The following PCGF6 variants were observed in gnomAD, a reference collection of about 807,000 sequenced individuals.
The protein encoded by PCGF6 is polycomb group ring finger 6.
PCGF6 carries 24 observed loss-of-function variants against 45.5 expected under a neutral mutation model. That is an observed-to-expected ratio of 0.53 (90% CI 0.38 to 0.74). The LOEUF (loss-of-function observed/expected upper bound fraction) is 0.74. Ranked by LOEUF, PCGF6 falls within the 30% of genes least tolerant of loss-of-function variation. The pLI is 0.00. For synonymous variants in PCGF6, 152 were observed against 162.1 expected, an observed-to-expected ratio of 0.94 and a Z score of 0.47; for missense variants, 356 against 443.2, an observed-to-expected ratio of 0.80 and a Z score of 1.77.
chr10:103,323,535 T>A (rs1279790166), intron 8 of PCGF6, among the ~76,000 whole-genome samples: 1 of 152,242 alleles, frequency 6.6e-6, no homozygotes, highest in Non-Finnish European at 1.5e-5. Flanking sequence ...CCTCAGGTGA[T>A]CCACCTGCCT....
At chr10:103,327,952 G>A (rs973063756) in intron 7 of PCGF6, among the ~76,000 whole-genome samples, 3 of 151,826 alleles carry the variant, frequency 2.0e-5, no homozygotes, top group African/African-American at 7.3e-5. Flanking sequence ...TGGGAGTACA[G>A]GTATGAGCCA....
chr10:103,348,340 GT>G (rs113018538), intron 3 of PCGF6: 61,531 of 145,252 alleles, frequency 0.42, 12,726 homozygotes, highest in South Asian at 0.62. Flanking sequence ...GAGTTTTTTT[GT>G]TTTTTTTTTT....
intron 6 of PCGF6, among the ~76,000 whole-genome samples, chr10:103,334,279 A>G (rs1222736230): frequency 1.3e-5 from 2 of 152,202 alleles, no homozygotes; most frequent in East Asian, 3.9e-4. Context: ...AAAATTGTGT[A>G]TATCTATAGG....
At chr10:103,349,736 G>C (rs928639863) in intron 1 of PCGF6, among the ~76,000 whole-genome samples, 1 of 149,806 alleles carries the variant, frequency 6.7e-6, no homozygotes, top group African/African-American at 2.4e-5. Flanking sequence ...GCCTCCCAAA[G>C]TGCGGGGATT....
chr10:103,326,966 G>C (rs1415997410), intron 7 of PCGF6, among the ~76,000 whole-genome samples: 1 of 152,066 alleles, frequency 6.6e-6, no homozygotes, highest in Non-Finnish European at 1.5e-5. Flanking sequence ...TAAAGACACA[G>C]AGAAAACACC....
At chr10:103,321,725 CAATAAT>C (rs890384012) in intron 8 of PCGF6, among the ~76,000 whole-genome samples, 1 of 151,090 alleles carries the variant, frequency 6.6e-6, no homozygotes. Context: ...AAGAAACAAA[CAATAAT>C]AATAATAATA....
At chr10:103,315,526 A>G (rs2093171713) in intron 8 of PCGF6, among the ~76,000 whole-genome samples, 2 of 151,948 alleles carry the variant, frequency 1.3e-5, no homozygotes, top group Non-Finnish European at 1.5e-5. Context: ...TGCCCAGCTT[A>G]TTTTTTGTAT....
At chr10:103,335,736 G>C (rs1448525520) in intron 6 of PCGF6, among the ~76,000 whole-genome samples, 1 of 151,978 alleles carries the variant, frequency 6.6e-6, no homozygotes, top group African/African-American at 2.4e-5. Context: ...GGGAGGCCAA[G>C]GTGGGCAGAT....
chr10:103,349,749 A>G (rs1452989778), intron 1 of PCGF6, among the ~76,000 whole-genome samples: 1 of 149,344 alleles, frequency 6.7e-6, no homozygotes, highest in African/African-American at 2.4e-5. Context: ...CGGGGATTAT[A>G]GGCGTGAGCC....
intron 9 of PCGF6, among the ~76,000 whole-genome samples, chr10:103,308,169 T>C (rs2093144337): frequency 6.6e-6 from 1 of 152,130 alleles, no homozygotes; most frequent in East Asian, 1.9e-4. Context: ...AACTGCCCAG[T>C]GGTGCTGTGA....
At chr10:103,333,883 C>T in intron 7 of PCGF6, 42 bp downstream of exon 7, 1 of 1,492,644 alleles carries the variant, frequency 6.7e-7, no homozygotes, top group Non-Finnish European at 9.1e-7. Flanking sequence ...TTGTGTGCTA[C>T]AGAGTCCTCT....
At position 103,347,142 on chromosome 10, in the gene PCGF6, T is replaced by A. The variant is rs556748482; in HGVS notation, c.673+96A>T. 129 of 927,838 alleles carry A rather than the reference T, an allele frequency of 1.4e-4. No homozygotes were observed. The African/African-American group carries it at 2.0e-3, about 15-fold the overall frequency. 57.5% of individuals were successfully genotyped at this position (927,838 alleles called of 1,614,324 possible). A position where few individuals can be genotyped will look rare whatever the true frequency, so the allele number is the denominator to read the frequency against. The stretch of plus-strand genomic sequence containing the variant: ...TACCTTCAAAATCTCTCTGATCATA[T>A]AATAAGCTACCCCCAAAAGGAACTT... On this transcript the variant is annotated intron_variant, in intron 5 of 9. Coordinates refer to ENST00000369847, the MANE Select transcript of PCGF6 (RefSeq NM_001011663.2).
chr10:103,340,198 A>ATATATATATATATATATATAT (rs1246929739), intron 6 of PCGF6, among the ~76,000 whole-genome samples: 1 of 87,908 alleles, frequency 1.1e-5, no homozygotes, highest in Admixed American at 1.4e-4. Context: ...AAAAAAAAAA[A>ATATATATATATATATATATAT]ATATATATAT....
intron 8 of PCGF6, among the ~76,000 whole-genome samples, chr10:103,319,893 C>G (rs530334707): frequency 6.6e-6 from 1 of 152,146 alleles, no homozygotes; most frequent in African/African-American, 2.4e-5. Context: ...GCAACCTCCA[C>G]CTCCTGGATT....
intron 2 of PCGF6, 22 bp from the exon 3 acceptor site, chr10:103,348,834 G>A (rs2093309182): frequency 6.2e-7 from 1 of 1,604,844 alleles, no homozygotes; most frequent in Non-Finnish European, 8.5e-7. Context: ...GAATGTTGAA[G>A]TCAGGATGCT....
At chr10:103,336,441 TATAAA>T (rs1380663639) in intron 6 of PCGF6, among the ~76,000 whole-genome samples, 32 of 152,090 alleles carry the variant, frequency 2.1e-4, no homozygotes, top group African/African-American at 7.7e-4. Flanking sequence ...ATCTTAGAGT[TATAAA>T]ATAAAACATC....
intron 9 of PCGF6, among the ~76,000 whole-genome samples, chr10:103,312,813 T>C (rs1396481519): frequency 6.6e-6 from 1 of 151,858 alleles, no homozygotes; most frequent in Non-Finnish European, 1.5e-5. Flanking sequence ...AACACAAAAT[T>C]AGTTGGGCGT....
intron 8 of PCGF6, among the ~76,000 whole-genome samples, chr10:103,320,254 C>A (rs1174019802): frequency 6.6e-6 from 1 of 152,054 alleles, no homozygotes; most frequent in Non-Finnish European, 1.5e-5. Flanking sequence ...TCAAACAAAG[C>A]AAAATACAAT....
At chr10:103,336,603 A>C (rs1409810827) in intron 6 of PCGF6, among the ~76,000 whole-genome samples, 1 of 152,156 alleles carries the variant, frequency 6.6e-6, no homozygotes, top group African/African-American at 2.4e-5. Flanking sequence ...GGCCAGGTGC[A>C]GTAGGTCACA....
Sources: allele counts gnomAD v4.1 joint callset (sites outside exome capture counted in the v4.1 genomes callset), GRCh38; gene constraint gnomAD v4.1.1; transcripts MANE v1.5; gene names NCBI Gene and HGNC (gene_info 2026-07-23, HGNC 2026-07-21).